TBC1D17: variants seen among roughly 807,000 people sequenced by gnomAD.
TBC1D17 encodes TBC1 domain family, member 17.
In TBC1D17, 69 loss-of-function variants were observed where a neutral mutation model predicts 78.8. That is an observed-to-expected ratio of 0.88 (90% confidence interval 0.72 to 1.07). The LOEUF is 1.07. Ranked by LOEUF, TBC1D17 falls within the 50% of genes least tolerant of loss-of-function variation. TBC1D17 has a pLI of 0.00. For missense variants in TBC1D17, 957 were observed against 861.0 expected (o/e 1.11, Z -1.39); for synonymous variants, 456 against 358.3 (o/e 1.27, Z -3.08).
chr19:49,884,496 C>A lies in TBC1D17; in HGVS notation c.1281C>A (p.Ile427=), dbSNP rs1450188960. The part of the protein sequence containing the change: ...VQGMSDLLSP[I]LYVIQNEVDA... ...GCATGAGTGATCTTCTCTCCCCGAT[C>A]CTCTACGTCATTCAGAACGAGGTGG... The change falls in exon 12 of 17, where the codon ATC becomes ATA. Residue 427 remains isoleucine, a synonymous_variant. Transcript: ENST00000221543. 1 of 1,614,178 alleles carries A rather than the reference C, an allele frequency of 6.2e-7. No individual in the cohort carries two copies. Among genetic ancestry groups the A allele is most frequent in the Non-Finnish European group, 8.5e-7 (1 of 1,180,030 alleles).
intron 13 of TBC1D17, chr19:49,886,563 T>C (rs1358238445): frequency 1.3e-5 from 2 of 152,234 alleles, no homozygotes; most frequent in Admixed American, 6.5e-5. Flanking sequence ...TTGATGTAAC[T>C]TGACCTGCTG....
At chr19:49,881,176 A>G in intron 4 of TBC1D17, 92 bp from the exon 5 acceptor site, 1 of 1,135,960 alleles carries the variant, frequency 8.8e-7, no homozygotes, top group Admixed American at 2.4e-5. Context: ...CCCTCAGGAG[A>G]TGCCTGTGCC....
chr19:49,878,581 C>T lies in TBC1D17; in HGVS notation c.195+9C>T. ...TCCTCTTCTCCAAGAAGGTAGGCTC[C>T]ACCCGCTTTGCCCTTCTCCACTCGC... On this transcript the variant is annotated intron_variant, in intron 3 of 16. Coordinates refer to ENST00000221543, the MANE Select transcript of TBC1D17 (RefSeq NM_024682.3). 1 of 1,613,808 alleles carries T rather than the reference C, an allele frequency of 6.2e-7. No individual in the cohort carries two copies. Among genetic ancestry groups the T allele is most frequent in the East Asian group, 2.2e-5 (1 of 44,878 alleles).
At chr19:49,877,992 G>A in intron 1 of TBC1D17, 151 bp from the exon 2 acceptor site, 1 of 759,418 alleles carries the variant, frequency 1.3e-6, no homozygotes, top group Non-Finnish European at 2.1e-6. Flanking sequence ...TCCGAACGCG[G>A]GCTGGACCAT....
Position 49,881,285 on chromosome 19 carries a change from C to A in TBC1D17, c.337C>A (p.Pro113Thr), listed in dbSNP as rs779613134. The A allele has an allele frequency of 3.1e-6, 5 of 1,612,868 alleles. No individual in the cohort carries two copies. In the South Asian group the frequency reaches 5.5e-5, roughly 18 times the overall value. ...CTCCCTAGGTGCAGAGCCCAGCTGCCCCCAGGGCTCCTGGGCCTTCTCAGT... is the reference window on the plus strand; with the variant it reads ...CTCCCTAGGTGCAGAGCCCAGCTGCACCCAGGGCTCCTGGGCCTTCTCAGT... ...EPTRGAEPSCPQGSWAFSVSL... is the reference protein window; with the variant it reads ...EPTRGAEPSCTQGSWAFSVSL... The change falls in exon 5 of 17, where the codon CCC (proline) becomes ACC (threonine). Residue 113 changes from proline to threonine, a missense_variant. Transcript: ENST00000221543.
chr19:49,882,357 CACCCG>C lies in TBC1D17; in HGVS notation c.758_762del (p.Pro253ArgfsTer2). ...GGAGCCGCCTCCGACCTTCCCCCGC[CACCCG>C]ACGATGAGCCCGAGCCTGGATTCGA... On this transcript the variant is annotated frameshift_variant, in exon 7 of 17. Coordinates refer to ENST00000221543, the MANE Select transcript of TBC1D17 (RefSeq NM_024682.3). LOFTEE classifies it high-confidence loss of function. 6.2e-7 allele frequency: 1 copy of C among 1,609,890 alleles called. No individual in the cohort carries two copies. The highest frequency in any genetic ancestry group is 8.5e-7 in the Non-Finnish European group (1 of 1,179,972).
rs1600447944 is a variant in TBC1D17 at position 49,882,367 on chromosome 19, T to G, written c.765T>G (p.Asp255Glu). The G allele has an allele frequency of 6.2e-7, 1 of 1,609,008 alleles. No homozygotes were observed. Among genetic ancestry groups the G allele is most frequent in the Admixed American group, 1.7e-5 (1 of 60,002 alleles). ...AASDLPPPPD[D>E]EPEPGFEVIS... Reference sequence around the variant, plus strand: ...CCGACCTTCCCCCGCCACCCGACGATGAGCCCGAGCCTGGATTCGAGGTCA... The same window carrying G: ...CCGACCTTCCCCCGCCACCCGACGAGGAGCCCGAGCCTGGATTCGAGGTCA... The change falls in exon 7 of 17, where the codon GAT becomes GAG. Residue 255 changes from aspartate to glutamate, a missense_variant. Physicochemically the swap from Asp to Glu is conservative, Grantham distance 45. Coordinates refer to ENST00000221543, the MANE Select transcript of TBC1D17 (RefSeq NM_024682.3).
chr19:49,878,157 G>T lies in TBC1D17; in HGVS notation c.36G>T (p.Lys12Asn), dbSNP rs202194413. 6 of 1,578,362 alleles carry T rather than the reference G, an allele frequency of 3.8e-6. No homozygotes were observed. The highest frequency in any genetic ancestry group is 4.7e-5 in the East Asian group (2 of 42,280). The part of the protein sequence containing the change: ...EGAGYRVVFE[K>N]GGVYLHTSAK... ...CCCCAACTCAGGTGGTGTTTGAGAAGGGCGGAGTGTACCTGCACACCAGCG... is the reference window on the plus strand; with the variant it reads ...CCCCAACTCAGGTGGTGTTTGAGAATGGCGGAGTGTACCTGCACACCAGCG... Residue 12 changes from lysine (K) to asparagine (N), a missense_variant, in exon 2 of 17, where the codon AAG becomes AAT. Lys to Asn is a moderately conservative substitution (Grantham distance 94). Transcript: ENST00000221543.
Position 49,885,035 on chromosome 19 carries a change from A to G in TBC1D17, c.1444+277A>G. The G allele has an allele frequency of 8.5e-6, 4 of 471,870 alleles. 1 individual carries two copies. The South Asian group carries it at 9.8e-5, about 12-fold the overall frequency. The allele number at this position is 471,870 out of a possible 1,614,324, so 29.2% of individuals were successfully genotyped here. The stretch of plus-strand genomic sequence containing the variant: ...ACCTGCAGGGTATTTTTCAGAAATA[A>G]GGACCTAGGCATTCCTGCCACTTCT... On this transcript the variant is annotated intron_variant, in intron 13 of 16. Coordinates refer to ENST00000221543, the MANE Select transcript of TBC1D17 (RefSeq NM_024682.3).
intron 9 of TBC1D17, 70 bp from the exon 10 acceptor site, chr19:49,883,581 G>C: frequency 7.0e-7 from 1 of 1,426,246 alleles, no homozygotes; most frequent in Non-Finnish European, 9.8e-7. Flanking sequence ...GGGAGGTGGC[G>C]CCAGGCTTGG....
chr19:49,878,088 C>G, intron 1 of TBC1D17, 55 bp from the exon 2 acceptor site: 2 of 1,456,812 alleles, frequency 1.4e-6, no homozygotes, highest in Non-Finnish European at 1.9e-6. Flanking sequence ...CTATTGGCTC[C>G]CCAGGCTGGT....
chr19:49,884,419 G>A lies in TBC1D17; in HGVS notation c.1244-40G>A, dbSNP rs768570876. On this transcript the variant is annotated intron_variant, in intron 11 of 16. Transcript: ENST00000221543. ...CGTGGCCGGGGCTGTCCAGGGGAGC[G>A]CTGCGGGCTTGGCTGCAGCCTGACC... is the stretch of plus-strand genomic sequence containing the variant. 7.3e-5 allele frequency: 118 copies of A among 1,613,772 alleles called. No individual in the cohort carries two copies. In the East Asian group the frequency reaches 2.2e-3, roughly 30 times the overall value.
At chr19:49,878,827 T>C in intron 3 of TBC1D17, 1 of 486,960 alleles carries the variant, frequency 2.1e-6, no homozygotes, top group Non-Finnish European at 3.7e-6. Context: ...CCTTTGCTTC[T>C]TGGGAGATCC....
intron 12 of TBC1D17, 30 bp from the exon 13 acceptor site, chr19:49,884,629 T>G: frequency 6.2e-7 from 1 of 1,613,748 alleles, no homozygotes; most frequent in South Asian, 1.1e-5. Flanking sequence ...TCACGGGGTC[T>G]GCTCTTTCCC....
At chr19:49,877,781 T>C in intron 1 of TBC1D17, 37 bp downstream of exon 1, 2 of 1,572,404 alleles carry the variant, frequency 1.3e-6, no homozygotes, top group African/African-American at 1.3e-5. Context: ...CTTCAGTGTA[T>C]GCGAAACGCC....
Position 49,883,640 on chromosome 19 carries a change from C to T in TBC1D17, c.1032-11C>T. ...TGGCGGCCTCACATCTTGTTTCCCT[C>T]TGTCACTCAGGGATGAGTATTTCCG... On this transcript the variant is annotated splice_polypyrimidine_tract_variant and intron_variant, in intron 9 of 16. Transcript: ENST00000221543. The T allele has an allele frequency of 6.2e-7, 1 of 1,612,582 alleles. No individual in the cohort carries two copies. The highest frequency in any genetic ancestry group is 8.5e-7 in the Non-Finnish European group (1 of 1,178,804).
intron 5 of TBC1D17, 100 bp downstream of exon 5, chr19:49,881,575 T>A: frequency 8.4e-7 from 1 of 1,188,908 alleles, no homozygotes; most frequent in Non-Finnish European, 1.2e-6. Flanking sequence ...CTCACACTGA[T>A]TTAAAGGCAG....
intron 1 of TBC1D17, 108 bp from the exon 2 acceptor site, chr19:49,878,034 TC>T: frequency 2.1e-6 from 2 of 944,958 alleles, no homozygotes; most frequent in Non-Finnish European, 3.1e-6. Flanking sequence ...GCAATGGCCC[TC>T]CCGGCCCCGC....
chr19:49,888,418 C>T lies in TBC1D17; in HGVS notation c.1747-6C>T, dbSNP rs779865779. On this transcript the variant is annotated splice_region_variant and splice_polypyrimidine_tract_variant and intron_variant, in intron 16 of 16. Transcript: ENST00000221543. Reference sequence around the variant, plus strand: ...GCTTTTCGCTTCTCTCATCCCGTGCCTCCAGGAGCTGCCCCACAACGTGCA... The same window carrying T: ...GCTTTTCGCTTCTCTCATCCCGTGCTTCCAGGAGCTGCCCCACAACGTGCA... 5.6e-6 allele frequency: 9 copies of T among 1,598,952 alleles called. No individual in the cohort carries two copies. In the Admixed American group the frequency reaches 1.0e-4, roughly 18 times the overall value.
Sources: allele counts gnomAD v4.1 joint callset, GRCh38; gene constraint gnomAD v4.1.1; transcripts MANE v1.5; gene names NCBI Gene and HGNC (gene_info 2026-07-23, HGNC 2026-07-21).